The following SH3GL2 variants were observed in gnomAD, a reference collection of about 807,000 sequenced individuals.
SH3GL2 encodes SH3 domain containing GRB2 like 2, endophilin A1, also known as endophilin-A1.
A neutral mutation model predicts 46.0 loss-of-function variants in SH3GL2; 24 were observed. The ratio of observed to expected loss-of-function variants is 0.52; its 90% CI spans 0.38 to 0.73. SH3GL2 has a LOEUF of 0.73. Ranked by LOEUF, SH3GL2 falls within the 30% of genes least tolerant of loss-of-function variation. The pLI, the probability that SH3GL2 is intolerant of heterozygous loss-of-function variation, is 0.00. For synonymous variants in SH3GL2, 196 were observed against 147.1 expected, an observed-to-expected ratio of 1.33 and a Z score of -2.40; for missense variants, 413 against 424.2, an observed-to-expected ratio of 0.97 and a Z score of 0.23.
intron 3 of SH3GL2, among the ~76,000 whole-genome samples, chr9:17,783,672 C>G (rs1823875231): frequency 6.6e-6 from 1 of 152,062 alleles, no homozygotes; most frequent in Non-Finnish European, 1.5e-5. Context: ...TAGCAGAGGA[C>G]AAAACAGTGG....
chr9:17,611,101 CTTTAAT>C (rs1264657974), intron 1 of SH3GL2, among the ~76,000 whole-genome samples: 3 of 152,044 alleles, frequency 2.0e-5, no homozygotes, highest in African/African-American at 7.2e-5. Flanking sequence ...TAAAGAACTT[CTTTAAT>C]TTTTGATGTT....
intron 6 of SH3GL2, 84 bp from the exon 7 acceptor site, chr9:17,791,147 C>A: frequency 2.1e-6 from 2 of 942,766 alleles, no homozygotes; most frequent in East Asian, 2.4e-5. Flanking sequence ...TTGAGGGCAG[C>A]CCTGGTGTAT....
rs551652192 is a variant in SH3GL2, at chr9:17,680,109, G to A, written c.46-66957G>A. ...AATTCTCTTTTTTTGTTGTGTCTCTGCCCGGCTTTGGTATCAGGATGATGC... is the reference window on the plus strand; with the variant it reads ...AATTCTCTTTTTTTGTTGTGTCTCTACCCGGCTTTGGTATCAGGATGATGC... On this transcript the variant is annotated intron_variant, in intron 1 of 8. Transcript: ENST00000380607. 4.6e-5 allele frequency among the ~76,000 whole-genome samples: 7 copies of A among 152,236 alleles called. No homozygotes were observed. In the East Asian group the frequency reaches 1.4e-3, roughly 29 times the overall value.
intron 1 of SH3GL2, among the ~76,000 whole-genome samples, chr9:17,634,152 CTGGTACCCTCAGGTG>C (rs1239231746): frequency 1.8e-4 from 28 of 152,140 alleles, no homozygotes; most frequent in African/African-American, 6.8e-4. Flanking sequence ...GTGGAGACCA[CTGGTACCCTCAGGTG>C]GCTGTGGAGG....
chr9:17,585,051 A>G (rs569445804), intron 1 of SH3GL2, among the ~76,000 whole-genome samples: 1 of 152,306 alleles, frequency 6.6e-6, no homozygotes, highest in Non-Finnish European at 1.5e-5. Context: ...GACAGATGTC[A>G]TTGTGGAAGG....
intron 3 of SH3GL2, among the ~76,000 whole-genome samples, chr9:17,781,493 C>G (rs1823807832): frequency 1.3e-5 from 2 of 151,524 alleles, no homozygotes; most frequent in South Asian, 4.2e-4. Context: ...TAATTAGATC[C>G]CATTTGTCAA....
intron 1 of SH3GL2, among the ~76,000 whole-genome samples, chr9:17,665,345 G>A: frequency 6.6e-6 from 1 of 152,006 alleles, no homozygotes; most frequent in Non-Finnish European, 1.5e-5. Context: ...CTTGTATTGT[G>A]TTTAATTATT....
intron 1 of SH3GL2, among the ~76,000 whole-genome samples, chr9:17,652,384 CTT>C (rs1819977803): frequency 6.6e-6 from 1 of 151,606 alleles, no homozygotes; most frequent in Non-Finnish European, 1.5e-5. Flanking sequence ...TTCTAGTCAT[CTT>C]TTTTATTGTT....
chr9:17,687,224 T>C (rs1028505479), intron 1 of SH3GL2, among the ~76,000 whole-genome samples: 2 of 152,164 alleles, frequency 1.3e-5, no homozygotes, highest in African/African-American at 4.8e-5. Flanking sequence ...TGAGTTTTTT[T>C]CAATCCAATT....
chr9:17,729,387 C>A (rs191955781), intron 1 of SH3GL2, among the ~76,000 whole-genome samples: 1,550 of 152,176 alleles, frequency 0.01, 16 homozygotes, highest in Middle Eastern at 0.024. Context: ...GGATAGATTG[C>A]AAAAATTTTC....
chr9:17,599,397 CCTTGGCA>C (rs1261145182), intron 1 of SH3GL2, among the ~76,000 whole-genome samples: 7 of 152,162 alleles, frequency 4.6e-5, no homozygotes, highest in African/African-American at 1.7e-4. Context: ...CAAAACCCAG[CCTTGGCA>C]AGGGTACAGT....
rs187035890 is a variant in SH3GL2 at position 17,579,588 on chromosome 9, C to T, written c.45+301C>T. ...CGCCCGTGCTGCAGGAAGGGGACCG[C>T]GGCTGCACTGCTGCCGCGGCGCGCA... is the stretch of plus-strand genomic sequence containing the variant. On this transcript the variant is annotated intron_variant, in intron 1 of 8. Coordinates refer to ENST00000380607, the MANE Select transcript of SH3GL2 (RefSeq NM_003026.5). Among the ~76,000 whole-genome samples the T allele has an allele frequency of 2.1e-3, 321 of 152,274 alleles. 1 individual carries two copies. The highest frequency in any genetic ancestry group is 3.4e-3 in the Middle Eastern group (1 of 292).
At chr9:17,732,428 C>G (rs1011855380) in intron 1 of SH3GL2, among the ~76,000 whole-genome samples, 1 of 152,080 alleles carries the variant, frequency 6.6e-6, no homozygotes, top group Non-Finnish European at 1.5e-5. Context: ...TCCACTGCCT[C>G]CTTGTCTGTT....
At chr9:17,605,596 C>T (rs964736381) in intron 1 of SH3GL2, among the ~76,000 whole-genome samples, 1 of 152,194 alleles carries the variant, frequency 6.6e-6, no homozygotes, top group Non-Finnish European at 1.5e-5. Context: ...AGATGTTTCT[C>T]TTAGCCCAGG....
intron 1 of SH3GL2, among the ~76,000 whole-genome samples, chr9:17,581,953 T>C (rs1487449762): frequency 6.6e-6 from 1 of 152,136 alleles, no homozygotes; most frequent in Non-Finnish European, 1.5e-5. Context: ...CCCGCCTCGA[T>C]TACAGGCTGA....
chr9:17,736,141 A>G (rs1287044719), intron 1 of SH3GL2, among the ~76,000 whole-genome samples: 1 of 152,098 alleles, frequency 6.6e-6, no homozygotes, highest in Non-Finnish European at 1.5e-5. Context: ...CTTAGCATTC[A>G]GGACATTCAG....
chr9:17,743,875 G>A (rs1396702827), intron 1 of SH3GL2, among the ~76,000 whole-genome samples: 1 of 152,114 alleles, frequency 6.6e-6, no homozygotes, highest in Non-Finnish European at 1.5e-5. Flanking sequence ...ATTAACACAG[G>A]GTTACCAGGA....
At chr9:17,734,813 G>T (rs1395498276) in intron 1 of SH3GL2, among the ~76,000 whole-genome samples, 2 of 152,104 alleles carry the variant, frequency 1.3e-5, no homozygotes, top group African/African-American at 4.8e-5. Context: ...GGGGGAAGGA[G>T]CCTGGGCAGT....
intron 1 of SH3GL2, among the ~76,000 whole-genome samples, chr9:17,647,581 C>G (rs1819849363): frequency 6.6e-6 from 1 of 152,128 alleles, no homozygotes; most frequent in Admixed American, 6.5e-5. Context: ...GTGAGGATAA[C>G]AAGCTAGCTT....
Sources: gnomAD v4.1 joint callset for allele counts (sites outside exome capture counted in the v4.1 genomes callset) on GRCh38, gnomAD v4.1.1 for gene constraint, MANE v1.5 for transcripts, NCBI Gene and HGNC (gene_info 2026-07-23, HGNC 2026-07-21) for gene names.